Variants in LIN7C observed in about 807,000 individuals in gnomAD.
The protein encoded by LIN7C is lin-7 cell polarity scaffold C.
Under a neutral mutation model 24.7 loss-of-function variants are expected in LIN7C, and 17 were observed. The observed-to-expected ratio is 0.69, with a 90% CI of 0.47 to 1.03. The LOEUF is 1.03. LIN7C is among the 50% of genes least tolerant of loss of function. The pLI is 0.00. For synonymous variants in LIN7C, 90 were observed against 83.4 expected, an observed-to-expected ratio of 1.08 and a Z score of -0.43; for missense variants, 204 against 239.0, an observed-to-expected ratio of 0.85 and a Z score of 0.97.
chr11:27,504,922 C>G (rs1475832058), intron 1 of LIN7C, among the ~76,000 whole-genome samples: 1 of 152,226 alleles, frequency 6.6e-6, no homozygotes, highest in African/African-American at 2.4e-5. Context: ...ATTCATCCTA[C>G]TAAGAGGTGG....
Position 27,506,748 on chromosome 11 carries a change from G to A in LIN7C, c.5C>T (p.Ala2Val), listed in dbSNP as rs781711469. ...CAGCCGCACGGGTTCCCCTAGCGCC[G>A]CCATCTTCTCCCTTAACCTACAGAC... The part of the protein sequence containing the change: M[A>V]ALGEPVRLER... Residue 2 changes from alanine (A) to valine (V), a missense_variant, in exon 1 of 5, where the codon GCG becomes GTG. Transcript: ENST00000278193. 14 of 1,613,930 alleles carry A rather than the reference G, an allele frequency of 8.7e-6. No individual in the cohort carries two copies. In the Admixed American group the frequency reaches 1.2e-4, roughly 13 times the overall value.
chr11:27,499,849 G>T (rs962312305), intron 3 of LIN7C, among the ~76,000 whole-genome samples: 1 of 152,052 alleles, frequency 6.6e-6, no homozygotes, highest in African/African-American at 2.4e-5. Context: ...GGATGGTCTC[G>T]ATCTCCTGAC....
Position 27,494,858 on chromosome 11 carries a change from G to A in LIN7C, c.*3791C>T, listed in dbSNP as rs1190898689. The A allele has an allele frequency of 6.6e-6, 1 of 152,194 alleles. No individual in the cohort carries two copies. Among genetic ancestry groups the A allele is most frequent in the Admixed American group, 6.5e-5 (1 of 15,270 alleles). The allele number at this position is 152,194 out of a possible 1,614,324, so 9.4% of individuals were successfully genotyped here. On this transcript the variant is annotated 3_prime_UTR_variant, in exon 5 of 5. Coordinates refer to ENST00000278193, the MANE Select transcript of LIN7C (RefSeq NM_018362.4). Reference sequence around the variant, plus strand: ...ACTTTAGACAACAATTATAAAACCAGATTGTTGGCAGAGGACACAACAAAA... The same window carrying A: ...ACTTTAGACAACAATTATAAAACCAAATTGTTGGCAGAGGACACAACAAAA...
intron 3 of LIN7C, among the ~76,000 whole-genome samples, chr11:27,500,561 T>G (rs1444809581): frequency 6.6e-6 from 1 of 152,198 alleles, no homozygotes; most frequent in Non-Finnish European, 1.5e-5. Context: ...TTTGTTTCAC[T>G]TTGCTTTAAA....
Sources: allele counts gnomAD v4.1 joint callset (sites outside exome capture counted in the v4.1 genomes callset), GRCh38; gene constraint gnomAD v4.1.1; transcripts MANE v1.5; gene names NCBI Gene and HGNC (gene_info 2026-07-23, HGNC 2026-07-21).